The following TCF7L1 variants were observed in gnomAD, a reference collection of about 807,000 sequenced individuals.
The protein encoded by TCF7L1 is transcription factor 7-like 1.
A neutral mutation model predicts 63.7 loss-of-function variants in TCF7L1; 18 were observed. The ratio of observed to expected loss-of-function variants is 0.28; its 90% CI spans 0.20 to 0.42. TCF7L1 has a LOEUF of 0.42. Among genes scored for constraint, TCF7L1 ranks in the 10% least tolerant of loss-of-function variants. The pLI is 1.00. For synonymous variants in TCF7L1, 355 were observed against 340.9 expected, an observed-to-expected ratio of 1.04 and a Z score of -0.46; for missense variants, 654 against 779.3, an observed-to-expected ratio of 0.84 and a Z score of 1.91.
intron 3 of TCF7L1, among the ~76,000 whole-genome samples, chr2:85,201,170 T>A (rs1370823842): frequency 1.3e-5 from 2 of 152,248 alleles, no homozygotes; most frequent in Admixed American, 6.5e-5. Context: ...ACTACTGCAC[T>A]CTAGCCTGGG....
chr2:85,137,546 G>A (rs1677622068), intron 3 of TCF7L1, among the ~76,000 whole-genome samples: 1 of 152,192 alleles, frequency 6.6e-6, no homozygotes, highest in Non-Finnish European at 1.5e-5. Context: ...TTTCTGAAAA[G>A]GCTTCACGGT....
intron 3 of TCF7L1, among the ~76,000 whole-genome samples, chr2:85,242,476 G>T (rs1410699809): frequency 6.6e-6 from 1 of 152,216 alleles, no homozygotes; most frequent in Non-Finnish European, 1.5e-5. Flanking sequence ...GACCACAGCC[G>T]TTATGACAGC....
chr2:85,268,492 A>G (rs1156337373), intron 3 of TCF7L1, among the ~76,000 whole-genome samples: 1 of 58,844 alleles, frequency 1.7e-5, no homozygotes, highest in Non-Finnish European at 5.0e-5. Flanking sequence ...TTTTTTTTTG[A>G]GACGGAGTCT....
chr2:85,233,267 G>C (rs1163715068), intron 3 of TCF7L1, among the ~76,000 whole-genome samples: 1 of 151,238 alleles, frequency 6.6e-6, no homozygotes, highest in Non-Finnish European at 1.5e-5. Context: ...CTGACCTGAA[G>C]AGTCAGCACA....
At chr2:85,304,490 G>A (rs1239067236) in intron 7 of TCF7L1, 152 bp downstream of exon 7, 4 of 690,248 alleles carry the variant, frequency 5.8e-6, no homozygotes, top group Non-Finnish European at 9.5e-6. Flanking sequence ...CACGTCCCGC[G>A]CTCCCCACCC....
intron 4 of TCF7L1, among the ~76,000 whole-genome samples, chr2:85,301,554 T>A (rs909265627): frequency 1.3e-5 from 2 of 151,926 alleles, no homozygotes; most frequent in Admixed American, 1.3e-4. Flanking sequence ...TGAAGATGTG[T>A]CTGTGGCGTG....
intron 3 of TCF7L1, among the ~76,000 whole-genome samples, chr2:85,217,859 CAAG>C (rs1351053010): frequency 6.6e-6 from 1 of 152,204 alleles, no homozygotes; most frequent in Non-Finnish European, 1.5e-5. Flanking sequence ...TGTTGGCACT[CAAG>C]AAGTTTCAGA....
intron 3 of TCF7L1, among the ~76,000 whole-genome samples, chr2:85,221,306 T>C (rs1679835758): frequency 6.6e-6 from 1 of 152,188 alleles, no homozygotes; most frequent in Non-Finnish European, 1.5e-5. Context: ...TGTTTGCCAC[T>C]GGGCCACTAG....
intron 3 of TCF7L1, among the ~76,000 whole-genome samples, chr2:85,257,832 G>A (rs532468769): frequency 1.6e-4 from 24 of 152,236 alleles, no homozygotes; most frequent in African/African-American, 3.1e-4. Context: ...GCCCCCTCCC[G>A]CCACGTAGTG....
chr2:85,292,660 T>G (rs533067505), intron 4 of TCF7L1, among the ~76,000 whole-genome samples: 1 of 152,210 alleles, frequency 6.6e-6, no homozygotes, highest in East Asian at 1.9e-4. Context: ...CACTTCAACC[T>G]CCACCTCCTG....
intron 3 of TCF7L1, among the ~76,000 whole-genome samples, chr2:85,214,531 A>C (rs370784522): frequency 2.4e-4 from 36 of 152,366 alleles, no homozygotes; most frequent in African/African-American, 8.7e-4. Context: ...AGACACAATA[A>C]GGCTCAAAAA....
At chr2:85,176,033 T>G (rs1298176575) in intron 3 of TCF7L1, among the ~76,000 whole-genome samples, 3 of 152,234 alleles carry the variant, frequency 2.0e-5, no homozygotes, top group Non-Finnish European at 4.4e-5. Context: ...TACTAGCTTT[T>G]GTAGGAAGCC....
intron 3 of TCF7L1, among the ~76,000 whole-genome samples, chr2:85,279,846 C>T (rs1433570963): frequency 6.6e-6 from 1 of 152,190 alleles, no homozygotes; most frequent in East Asian, 1.9e-4. Context: ...CCTCTCCCTT[C>T]TGGTCTTTTC....
intron 3 of TCF7L1, among the ~76,000 whole-genome samples, chr2:85,161,348 G>T (rs1382155539): frequency 6.6e-6 from 1 of 152,234 alleles, no homozygotes; most frequent in African/African-American, 2.4e-5. Context: ...AACTTGAAGT[G>T]ATGGGCCCTA....
At chr2:85,173,956 C>T (rs1352703973) in intron 3 of TCF7L1, among the ~76,000 whole-genome samples, 4 of 152,180 alleles carry the variant, frequency 2.6e-5, no homozygotes, top group East Asian at 3.9e-4. Context: ...AGGCTGGTCT[C>T]GAACTCCTGA....
chr2:85,144,852 G>C (rs1047442498), intron 3 of TCF7L1, among the ~76,000 whole-genome samples: 1 of 151,846 alleles, frequency 6.6e-6, no homozygotes, highest in African/African-American at 2.4e-5. Flanking sequence ...GGGAGGCCGA[G>C]GCGGGAGGAT....
intron 3 of TCF7L1, among the ~76,000 whole-genome samples, chr2:85,251,833 G>T (rs1680594664): frequency 6.6e-6 from 1 of 152,182 alleles, no homozygotes; most frequent in Non-Finnish European, 1.5e-5. Context: ...AGTATTTTGG[G>T]AGGCGGAAGC....
At chr2:85,250,874 A>C (rs1415895938) in intron 3 of TCF7L1, among the ~76,000 whole-genome samples, 1 of 152,250 alleles carries the variant, frequency 6.6e-6, no homozygotes, top group Admixed American at 6.5e-5. Context: ...TCTTGAGGAC[A>C]GATAACCTTT....
rs912548525 is a variant in TCF7L1 at position 85,216,757 on chromosome 2, A to G, written c.442-66738A>G. Among the ~76,000 whole-genome samples, 7 of 152,142 alleles carry G rather than the reference A, an allele frequency of 4.6e-5. No homozygotes were observed. In the South Asian group the frequency reaches 1.2e-3, roughly 27 times the overall value. ...GGGTCCCAGCCCTCCAGAGCTTACA[A>G]TGTAAGAGAACAAACAGGAACATGA... On this transcript the variant is annotated intron_variant, in intron 3 of 11. Coordinates refer to ENST00000282111, the MANE Select transcript of TCF7L1 (RefSeq NM_031283.3).
Sources: allele counts gnomAD v4.1 joint callset (sites outside exome capture counted in the v4.1 genomes callset), GRCh38; gene constraint gnomAD v4.1.1; transcripts MANE v1.5; gene names NCBI Gene and HGNC (gene_info 2026-07-23, HGNC 2026-07-21).